Variants in STXBP5L observed in about 807,000 individuals in gnomAD.
The protein encoded by STXBP5L is syntaxin-binding protein 5-like.
A neutral mutation model predicts 144.5 loss-of-function variants in STXBP5L; 65 were observed. The observed-to-expected ratio is 0.45, with a 90% CI of 0.37 to 0.55. The LOEUF is 0.55. STXBP5L is among the 20% of genes least tolerant of loss of function. The pLI is 0.00. For missense variants in STXBP5L, 1,298 were observed against 1,405.5 expected (o/e 0.92, Z 1.22); for synonymous variants, 505 against 469.6 (o/e 1.08, Z -0.97).
At chr3:121,113,201 T>G (rs935271754) in intron 5 of STXBP5L, among the ~76,000 whole-genome samples, 2 of 152,184 alleles carry the variant, frequency 1.3e-5, no homozygotes, top group African/African-American at 4.8e-5. Flanking sequence ...CTATGTAATA[T>G]TGAGGTTTGC....
Position 121,370,013 on chromosome 3 carries a change from G to A in STXBP5L, c.2177-8703G>A, listed in dbSNP as rs371907696. Among the ~76,000 whole-genome samples the A allele has an allele frequency of 1.6e-4, 24 of 152,222 alleles. No homozygotes were observed. The South Asian group carries it at 5.0e-3, about 32-fold the overall frequency. ...CCTGATCGGCAGTGATTGAATAATGGGGGTGGACTTCCCTCTTGCTGTTCT... is the reference window on the plus strand; with the variant it reads ...CCTGATCGGCAGTGATTGAATAATGAGGGTGGACTTCCCTCTTGCTGTTCT... On this transcript the variant is annotated intron_variant, in intron 20 of 26. Coordinates refer to ENST00000471454, the MANE Select transcript of STXBP5L (RefSeq NM_001308330.2).
intron 20 of STXBP5L, among the ~76,000 whole-genome samples, chr3:121,327,826 G>A (rs6793427): frequency 0.48 from 72,298 of 151,898 alleles, 17,754 homozygotes; most frequent in East Asian, 0.73. Flanking sequence ...CAAGTCCGTG[G>A]GCATAAGAAA....
In STXBP5L at chr3:121,098,445, T is replaced by A. The variant is rs1039596149; in HGVS notation, c.471-16480T>A. The stretch of plus-strand genomic sequence containing the variant: ...AACTCCCTCATTATCGTGAAGACAG[T>A]ACCATGCCATGGTGGTGCTGTCCTC... On this transcript the variant is annotated intron_variant, in intron 5 of 26. Coordinates refer to ENST00000471454, the MANE Select transcript of STXBP5L (RefSeq NM_001308330.2). 3.9e-5 allele frequency among the ~76,000 whole-genome samples: 6 copies of A among 152,202 alleles called. 1 individual carries two copies. The highest frequency in any genetic ancestry group is 7.3e-5 in the Non-Finnish European group (5 of 68,040).
At chr3:120,928,238 T>C (rs1421970878) in intron 2 of STXBP5L, among the ~76,000 whole-genome samples, 2 of 139,916 alleles carry the variant, frequency 1.4e-5, no homozygotes, top group Non-Finnish European at 3.1e-5. Flanking sequence ...TCCTTATCCT[T>C]TTCCAGAGGC....
At chr3:121,391,925 C>G (rs190894564) in intron 22 of STXBP5L, among the ~76,000 whole-genome samples, 2 of 152,326 alleles carry the variant, frequency 1.3e-5, no homozygotes, top group Non-Finnish European at 2.9e-5. Flanking sequence ...GGGAGAACCA[C>G]TGCTCTCTTC....
chr3:120,992,144 CTT>C (rs1474345577), intron 3 of STXBP5L, among the ~76,000 whole-genome samples: 3 of 151,806 alleles, frequency 2.0e-5, no homozygotes, highest in African/African-American at 7.3e-5. Flanking sequence ...TTTAAAAAAA[CTT>C]ATTTATTTAT....
At chr3:120,982,962 C>T (rs181357432) in intron 3 of STXBP5L, among the ~76,000 whole-genome samples, 98 of 152,300 alleles carry the variant, frequency 6.4e-4, no homozygotes, top group Non-Finnish European at 1.1e-3. Flanking sequence ...AGTCCTGCAG[C>T]AGAATGCTCA....
intron 6 of STXBP5L, among the ~76,000 whole-genome samples, chr3:121,118,900 A>C (rs2044340971): frequency 6.6e-6 from 1 of 151,462 alleles, no homozygotes; most frequent in Non-Finnish European, 1.5e-5. Context: ...AGCTCCATTG[A>C]ATTGTATGTG....
chr3:121,384,994 T>C (rs1399798768), intron 22 of STXBP5L, among the ~76,000 whole-genome samples: 3 of 152,066 alleles, frequency 2.0e-5, no homozygotes, highest in Admixed American at 6.6e-5. Context: ...CCATACAAAG[T>C]ACCTAGCATG....
intron 2 of STXBP5L, among the ~76,000 whole-genome samples, chr3:120,939,532 G>C (rs1323871262): frequency 6.6e-6 from 1 of 152,114 alleles, no homozygotes. Flanking sequence ...ATACCTAAAA[G>C]CTATTCATAT....
chr3:120,957,316 T>C (rs1025651647), intron 3 of STXBP5L, among the ~76,000 whole-genome samples: 3 of 152,036 alleles, frequency 2.0e-5, no homozygotes, highest in African/African-American at 7.2e-5. Context: ...TGTTATTGAT[T>C]ATGTTACTGT....
chr3:121,022,659 C>T (rs758524887), intron 3 of STXBP5L, among the ~76,000 whole-genome samples: 26 of 152,080 alleles, frequency 1.7e-4, no homozygotes, highest in Non-Finnish European at 3.7e-4. Flanking sequence ...AAACCAAATT[C>T]ACATGATCAT....
chr3:121,011,664 A>T (rs531275426), intron 3 of STXBP5L, among the ~76,000 whole-genome samples: 42 of 147,358 alleles, frequency 2.9e-4, no homozygotes, highest in African/African-American at 5.9e-4. Flanking sequence ...ATTCACTTTT[A>T]AAAAAAAAAA....
rs139013795 is a variant in STXBP5L, at chr3:120,979,852, G to A, written c.287+24815G>A. Among the ~76,000 whole-genome samples, 28 of 152,216 alleles carry A rather than the reference G, an allele frequency of 1.8e-4. No individual in the cohort carries two copies. In the East Asian group the frequency reaches 3.1e-3, roughly 17 times the overall value. On this transcript the variant is annotated intron_variant, in intron 3 of 26. Transcript: ENST00000471454. ...AGATCTTATTATCTTTTTAAGGTAG[G>A]CATTTAACACTATAAGCTTCCCTCT...
At chr3:121,004,766 G>A in intron 3 of STXBP5L, among the ~76,000 whole-genome samples, 1 of 152,182 alleles carries the variant, frequency 6.6e-6, no homozygotes, top group African/African-American at 2.4e-5. Context: ...ATGAAGCGTT[G>A]TTGAATTTTG....
chr3:120,977,130 A>G (rs1199734334), intron 3 of STXBP5L, among the ~76,000 whole-genome samples: 1 of 152,162 alleles, frequency 6.6e-6, no homozygotes, highest in Non-Finnish European at 1.5e-5. Context: ...GATCTGTCTA[A>G]TGTTGACAGT....
At chr3:121,125,654 G>A (rs951808957) in intron 7 of STXBP5L, among the ~76,000 whole-genome samples, 1 of 152,014 alleles carries the variant, frequency 6.6e-6, no homozygotes, top group Non-Finnish European at 1.5e-5. Context: ...AGCTTCTCTT[G>A]TCTCCCAAAC....
chr3:121,077,114 C>T lies in STXBP5L; in HGVS notation c.470+31579C>T, dbSNP rs151316170. Reference sequence around the variant, plus strand: ...CACACTTTCACACACTTCCTCTGTCCCTGAAACAGTTTTCCTTTCTGACCA... The same window carrying T: ...CACACTTTCACACACTTCCTCTGTCTCTGAAACAGTTTTCCTTTCTGACCA... On this transcript the variant is annotated intron_variant, in intron 5 of 26. Coordinates refer to ENST00000471454, the MANE Select transcript of STXBP5L (RefSeq NM_001308330.2). Among the ~76,000 whole-genome samples, 644 of 152,296 alleles carry T rather than the reference C, an allele frequency of 4.2e-3. 5 individuals are homozygous for T. The highest frequency in any genetic ancestry group is 0.015 in the African/African-American group (614 of 41,540).
chr3:121,045,528 C>T lies in STXBP5L; in HGVS notation c.463C>T (p.Arg155Trp), dbSNP rs774854327. 2.2e-5 allele frequency: 36 copies of T among 1,610,524 alleles called. No individual in the cohort carries two copies. The highest frequency in any genetic ancestry group is 4.5e-5 in the East Asian group (2 of 44,792). The change falls in exon 5 of 27, where the codon CGG (arginine) becomes TGG (tryptophan). Residue 155 changes from arginine to tryptophan, a missense_variant. Physicochemically the swap from Arg to Trp is moderately radical, Grantham distance 101. Transcript: ENST00000471454. ...PAILHSLKFN[R>W]ERITYCHLPF... is the part of the protein sequence containing the mutation. ...CATACTCCATTCTCTTAAATTTAAC[C>T]GGGAACGGTAAGAACCTATGAATTA...
Sources: gnomAD v4.1 joint callset for allele counts (sites outside exome capture counted in the v4.1 genomes callset) on GRCh38, gnomAD v4.1.1 for gene constraint, MANE v1.5 for transcripts, NCBI Gene and HGNC (gene_info 2026-07-23, HGNC 2026-07-21) for gene names.